The following TOPAZ1 variants were observed in gnomAD, a reference collection of about 807,000 sequenced individuals.
TOPAZ1 encodes protein TOPAZ1.
TOPAZ1 carries 66 observed loss-of-function variants against 172.2 expected under a neutral mutation model. The observed-to-expected ratio is 0.38, with a 90% CI of 0.31 to 0.47. The LOEUF (loss-of-function observed/expected upper bound fraction) is 0.47. TOPAZ1 is among the 20% of genes least tolerant of loss of function. The pLI, the probability that TOPAZ1 is intolerant of heterozygous loss-of-function variation, is 0.99. For missense variants in TOPAZ1, 1,822 were observed against 1,972.4 expected, an observed-to-expected ratio of 0.92 and a Z score of 1.44; for synonymous variants, 681 against 683.9, an observed-to-expected ratio of 1.00 and a Z score of 0.07.
At chr3:44,321,427 T>G (rs891916119) in intron 17 of TOPAZ1, among the ~76,000 whole-genome samples, 4 of 152,214 alleles carry the variant, frequency 2.6e-5, no homozygotes, top group African/African-American at 9.6e-5. Flanking sequence ...ACAAGCATTT[T>G]TATCATTCCC....
intron 2 of TOPAZ1, among the ~76,000 whole-genome samples, chr3:44,253,899 A>G (rs2125679371): frequency 6.6e-6 from 1 of 152,350 alleles, no homozygotes; most frequent in East Asian, 1.9e-4. Context: ...TGTTAAATGA[A>G]CAAATGGTGG....
chr3:44,263,645 A>G (rs1252156096), intron 5 of TOPAZ1, among the ~76,000 whole-genome samples: 4 of 152,172 alleles, frequency 2.6e-5, no homozygotes, highest in African/African-American at 9.7e-5. Flanking sequence ...CAACTCTTAT[A>G]AATATGGGTC....
chr3:44,259,898 T>C (rs2125682240), intron 4 of TOPAZ1, among the ~76,000 whole-genome samples: 1 of 152,318 alleles, frequency 6.6e-6, no homozygotes, highest in East Asian at 1.9e-4. Context: ...TTGGCCGTGG[T>C]CCCACCCAAA....
At chr3:44,319,732 ACT>A (rs1260351154) in intron 16 of TOPAZ1, among the ~76,000 whole-genome samples, 1 of 152,130 alleles carries the variant, frequency 6.6e-6, no homozygotes, top group African/African-American at 2.4e-5. Context: ...ACATAGTATA[ACT>A]CTGTTAGGTC....
intron 4 of TOPAZ1, among the ~76,000 whole-genome samples, chr3:44,257,469 AGTGTGT>A (rs10523650): frequency 0.017 from 1,911 of 113,770 alleles, 58 homozygotes; most frequent in African/African-American, 0.053. Context: ...ATATATATAT[AGTGTGT>A]GTGTGTGTGT....
intron 12 of TOPAZ1, among the ~76,000 whole-genome samples, chr3:44,296,871 A>AAAAAG (rs60148996): frequency 0.33 from 44,987 of 137,886 alleles, 8,804 homozygotes; most frequent in African/African-American, 0.44. Context: ...AAAAGAAAAA[A>AAAAAG]AAAAGAAAAG....
intron 19 of TOPAZ1, among the ~76,000 whole-genome samples, chr3:44,329,527 C>G (rs1352137756): frequency 1.3e-5 from 2 of 152,156 alleles, no homozygotes; most frequent in African/African-American, 4.8e-5. Context: ...CTTTTGTGAC[C>G]TATATCAAGC....
chr3:44,264,035 A>G (rs1559530052), intron 5 of TOPAZ1, among the ~76,000 whole-genome samples: 1 of 152,206 alleles, frequency 6.6e-6, no homozygotes, highest in Non-Finnish European at 1.5e-5. Flanking sequence ...AGACTAATTT[A>G]TAATTCATTT....
Position 44,242,957 on chromosome 3 carries a change from G to C in TOPAZ1, c.451G>C (p.Val151Leu), listed in dbSNP as rs754735291. 3.2e-6 allele frequency: 5 copies of C among 1,550,950 alleles called. No individual in the cohort carries two copies. The highest frequency in any genetic ancestry group is 4.4e-6 in the Non-Finnish European group (5 of 1,146,810). The stretch of plus-strand genomic sequence containing the variant: ...AACCAGTTCGGAATCTTTCCAAACA[G>C]TGGAATGCTTGCAGTCTTTGGGTAA... The part of the protein sequence containing the change: ...SLTSSESFQT[V>L]ECLQSLGKES... Residue 151 changes from valine (V) to leucine (L), a missense_variant, in exon 2 of 20, where the codon GTG (valine) becomes CTG (leucine). This residue lies in a region of TOPAZ1 where 1,489 missense variants were observed against 1,490.8 expected (regional missense o/e 1.00). Coordinates refer to ENST00000309765, the MANE Select transcript of TOPAZ1 (RefSeq NM_001145030.2).
intron 7 of TOPAZ1, among the ~76,000 whole-genome samples, chr3:44,269,677 A>G (rs891466283): frequency 6.6e-6 from 1 of 151,438 alleles, no homozygotes; most frequent in Non-Finnish European, 1.5e-5. Flanking sequence ...CTGGAGTACA[A>G]TGGCATGATC....
intron 4 of TOPAZ1, among the ~76,000 whole-genome samples, chr3:44,257,352 G>GAGGTGTGT (rs1553645700): frequency 9.1e-6 from 1 of 110,386 alleles, no homozygotes; most frequent in African/African-American, 3.9e-5. Context: ...AAAACATAGG[G>GAGGTGTGT]GTGTGTGTGT....
chr3:44,282,963 G>T (rs1348701475), intron 9 of TOPAZ1, among the ~76,000 whole-genome samples: 2 of 152,118 alleles, frequency 1.3e-5, no homozygotes, highest in Admixed American at 1.3e-4. Flanking sequence ...GAGGGATTTT[G>T]ATAGCCAAGG....
At chr3:44,297,036 T>C (rs1446081912) in intron 12 of TOPAZ1, among the ~76,000 whole-genome samples, 1 of 151,608 alleles carries the variant, frequency 6.6e-6, no homozygotes, top group African/African-American at 2.4e-5. Flanking sequence ...CTGGGCATGG[T>C]GGCACATGCC....
chr3:44,284,589 A>G (rs1443633187), intron 9 of TOPAZ1, among the ~76,000 whole-genome samples: 1 of 152,206 alleles, frequency 6.6e-6, no homozygotes, highest in African/African-American at 2.4e-5. Context: ...TTGACATACA[A>G]GTATCTACTT....
intron 11 of TOPAZ1, among the ~76,000 whole-genome samples, chr3:44,288,199 T>C (rs1460354886): frequency 2.4e-4 from 37 of 152,154 alleles, no homozygotes; most frequent in Non-Finnish European, 1.0e-4. Context: ...AATTCAACTT[T>C]TGTTAAATAC....
At chr3:44,308,643 G>A (rs1286298859) in intron 15 of TOPAZ1, among the ~76,000 whole-genome samples, 1 of 151,732 alleles carries the variant, frequency 6.6e-6, no homozygotes, top group Non-Finnish European at 1.5e-5. Context: ...GAGAAACTCA[G>A]ACTGATTTTG....
At chr3:44,293,233 AAATT>A (rs1239199853) in intron 12 of TOPAZ1, among the ~76,000 whole-genome samples, 7 of 152,226 alleles carry the variant, frequency 4.6e-5, no homozygotes, top group African/African-American at 1.7e-4. Flanking sequence ...TAATGATAAT[AAATT>A]AGTGTTACTG....
intron 12 of TOPAZ1, among the ~76,000 whole-genome samples, chr3:44,293,907 G>T (rs1700167064): frequency 6.6e-6 from 1 of 152,160 alleles, no homozygotes. Flanking sequence ...CCCTTATGAT[G>T]ATTACACAAA....
At chr3:44,294,813 T>G (rs1272431754) in intron 12 of TOPAZ1, among the ~76,000 whole-genome samples, 1 of 152,216 alleles carries the variant, frequency 6.6e-6, no homozygotes, top group Non-Finnish European at 1.5e-5. Flanking sequence ...TGATTTTGAT[T>G]ATATTTTTAA....
Sources: gnomAD v4.1 joint callset for allele counts (sites outside exome capture counted in the v4.1 genomes callset) on GRCh38, gnomAD v4.1.1 for gene constraint, gnomAD v4.1.1 regional missense constraint, MANE v1.5 for transcripts, NCBI Gene and HGNC (gene_info 2026-07-23, HGNC 2026-07-21) for gene names.